The following ADAMTSL1 variants were observed in gnomAD, a reference collection of about 807,000 sequenced individuals.
ADAMTSL1 encodes the protein ADAMTS-like protein 1.
Under a neutral mutation model 201.8 loss-of-function variants are expected in ADAMTSL1, and 126 were observed. The ratio of observed to expected loss-of-function variants is 0.62; its 90% CI spans 0.54 to 0.72. The LOEUF is 0.72. Among genes scored for constraint, ADAMTSL1 ranks in the 30% least tolerant of loss-of-function variants. The pLI is 0.00. For synonymous variants in ADAMTSL1, 1,121 were observed against 903.4 expected (o/e 1.24, Z -4.32); for missense variants, 2,679 against 2,277.8 (o/e 1.18, Z -3.59).
At chr9:18,224,327 C>G (rs1168916381) in intron 2 of ADAMTSL1, among the ~76,000 whole-genome samples, 1 of 152,076 alleles carries the variant, frequency 6.6e-6, no homozygotes, top group Non-Finnish European at 1.5e-5. Context: ...GAGGGGAGTG[C>G]TGTGTCCTCA....
intron 12 of ADAMTSL1, among the ~76,000 whole-genome samples, chr9:18,683,000 C>T (rs1830599108): frequency 6.6e-6 from 1 of 152,124 alleles, no homozygotes; most frequent in African/African-American, 2.4e-5. Context: ...TAACCTAGTG[C>T]CTGCAATATA....
intron 1 of ADAMTSL1, among the ~76,000 whole-genome samples, chr9:18,023,846 G>C (rs1213886055): frequency 2.6e-5 from 4 of 152,096 alleles, no homozygotes; most frequent in Non-Finnish European, 2.9e-5. Context: ...TAGCAATGCA[G>C]AGAATTCAGG....
chr9:18,532,930 A>G (rs1235914186), intron 2 of ADAMTSL1, among the ~76,000 whole-genome samples: 1 of 151,980 alleles, frequency 6.6e-6, no homozygotes, highest in East Asian at 1.9e-4. Flanking sequence ...ATAAGAAGAA[A>G]GGATTAATTG....
intron 2 of ADAMTSL1, among the ~76,000 whole-genome samples, chr9:18,403,763 T>A (rs986104423): frequency 6.6e-6 from 1 of 152,220 alleles, no homozygotes; most frequent in South Asian, 2.1e-4. Flanking sequence ...ACTGGCATGA[T>A]CTTGTCCTTG....
chr9:18,885,778 A>G (rs949041215), intron 23 of ADAMTSL1, among the ~76,000 whole-genome samples: 12 of 152,164 alleles, frequency 7.9e-5, no homozygotes, highest in African/African-American at 1.2e-4. Flanking sequence ...GTGAGCAAAG[A>G]AACGAAGGAG....
At chr9:18,725,067 T>C (rs1817788301) in intron 15 of ADAMTSL1, among the ~76,000 whole-genome samples, 1 of 152,124 alleles carries the variant, frequency 6.6e-6, no homozygotes. Context: ...CCACCACGCC[T>C]GGCTAATATT....
At position 18,574,452 on chromosome 9, in the gene ADAMTSL1, A is replaced by G. The variant is rs1005255413; in HGVS notation, c.474+186A>G. ...TACCAAGTGTTGTATTGTGCGAAGG[A>G]AAAGTAGACTAGAGTTATTTTTCTT... On this transcript the variant is annotated intron_variant, in intron 4 of 28. Transcript: ENST00000380548. The G allele has an allele frequency of 1.2e-5, 8 of 651,210 alleles. No individual in the cohort carries two copies. The Admixed American group carries it at 1.3e-4, about 10-fold the overall frequency. The allele number at this position is 651,210 out of a possible 1,614,324, so 40.3% of individuals were successfully genotyped here.
chr9:18,065,264 A>G (rs1354597089), intron 1 of ADAMTSL1, among the ~76,000 whole-genome samples: 1 of 152,172 alleles, frequency 6.6e-6, no homozygotes, highest in Non-Finnish European at 1.5e-5. Flanking sequence ...CTGTACACAG[A>G]GATGGAATAA....
intron 10 of ADAMTSL1, 36 bp from the exon 11 acceptor site, chr9:18,680,276 G>T (rs375041109): frequency 1.9e-5 from 30 of 1,599,306 alleles, no homozygotes; most frequent in African/African-American, 6.7e-5. Context: ...TTAGCAATGT[G>T]CATGTCTGCC....
intron 3 of ADAMTSL1, among the ~76,000 whole-genome samples, chr9:18,537,723 C>T (rs767387510): frequency 4.8e-4 from 72 of 151,468 alleles, no homozygotes; most frequent in Middle Eastern, 3.4e-3. Context: ...AAAACAAAAA[C>T]CAAATATTAG....
chr9:18,038,541 AC>A (rs1464178831), intron 1 of ADAMTSL1, among the ~76,000 whole-genome samples: 1 of 152,144 alleles, frequency 6.6e-6, no homozygotes, highest in Non-Finnish European at 1.5e-5. Context: ...TTTTATCTCA[AC>A]CTGTATCTTT....
At chr9:18,737,894 C>G (rs992329832) in intron 15 of ADAMTSL1, among the ~76,000 whole-genome samples, 4 of 152,132 alleles carry the variant, frequency 2.6e-5, no homozygotes, top group African/African-American at 9.7e-5. Context: ...TATCTAGAGC[C>G]AGACTTCCTG....
intron 2 of ADAMTSL1, among the ~76,000 whole-genome samples, chr9:18,177,644 A>G (rs1328301234): frequency 6.6e-6 from 1 of 152,212 alleles, no homozygotes; most frequent in Admixed American, 6.5e-5. Context: ...AGCTCCAGTC[A>G]TTACACCTAT....
At chr9:18,134,956 G>A (rs1944742) in intron 1 of ADAMTSL1, among the ~76,000 whole-genome samples, 145,545 of 152,164 alleles carry the variant, frequency 0.96, 69,883 homozygotes, top group Non-Finnish European at 1. Context: ...AAATTGCACT[G>A]ATATTTCATC....
At chr9:18,438,558 T>C (rs1372659054) in intron 2 of ADAMTSL1, among the ~76,000 whole-genome samples, 2 of 152,164 alleles carry the variant, frequency 1.3e-5, no homozygotes, top group Non-Finnish European at 2.9e-5. Flanking sequence ...ATCCCCTTGC[T>C]CGGGTTTCAA....
rs113450518 is a variant in ADAMTSL1 at position 18,815,544 on chromosome 9, CA to C, written c.3806-1553del. Among the ~76,000 whole-genome samples the C allele has an allele frequency of 5.8e-3, 805 of 139,848 alleles. 6 individuals carry two copies. The highest frequency in any genetic ancestry group is 0.015 in the African/African-American group (582 of 38,298). 91.7% of individuals were successfully genotyped at this position (139,848 alleles called of 152,430 possible). ...TATCTACAAAAAAATACAAAAAATA[CA>C]AAAAAAAAAAATTCTATCCAGGTGT... On this transcript the variant is annotated intron_variant, in intron 20 of 28. Coordinates refer to ENST00000380548, the MANE Select transcript of ADAMTSL1 (RefSeq NM_001040272.6).
At chr9:18,629,982 T>TA (rs1826643953) in intron 5 of ADAMTSL1, among the ~76,000 whole-genome samples, 1 of 71,178 alleles carries the variant, frequency 1.4e-5, no homozygotes, top group Non-Finnish European at 2.7e-5. Context: ...TATGTGCTGT[T>TA]TTTTTTGTTT....
intron 1 of ADAMTSL1, among the ~76,000 whole-genome samples, chr9:17,978,407 T>G (rs1818540394): frequency 6.6e-6 from 1 of 152,056 alleles, no homozygotes; most frequent in Non-Finnish European, 1.5e-5. Flanking sequence ...GATTAGATGA[T>G]TTTCTGTTGT....
intron 2 of ADAMTSL1, among the ~76,000 whole-genome samples, chr9:18,211,159 C>G (rs570415297): frequency 2.0e-5 from 3 of 152,216 alleles, no homozygotes; most frequent in South Asian, 2.1e-4. Context: ...CTCCTTTTCC[C>G]AAAAGCAATA....
Sources: gnomAD v4.1 joint callset for allele counts (sites outside exome capture counted in the v4.1 genomes callset) on GRCh38, gnomAD v4.1.1 for gene constraint, MANE v1.5 for transcripts, NCBI Gene and HGNC (gene_info 2026-07-23, HGNC 2026-07-21) for gene names.